RPS6KA2: variants seen among roughly 807,000 people sequenced by gnomAD.
The protein encoded by RPS6KA2 is ribosomal protein S6 kinase alpha-2.
In RPS6KA2, 42 loss-of-function variants were observed where a neutral mutation model predicts 91.8. That is an observed-to-expected ratio of 0.46 (90% CI 0.36 to 0.59). The LOEUF is 0.59. Among genes scored for constraint, RPS6KA2 ranks in the 20% least tolerant of loss-of-function variants. The pLI, the probability that RPS6KA2 is intolerant of heterozygous loss-of-function variation, is 0.00. For synonymous variants in RPS6KA2, 414 were observed against 393.6 expected (o/e 1.05, Z -0.61); for missense variants, 798 against 978.5 (o/e 0.82, Z 2.46).
chr6:166,826,873 C>A (rs1354238548), intron 2 of RPS6KA2, among the ~76,000 whole-genome samples: 2 of 152,094 alleles, frequency 1.3e-5, no homozygotes, highest in African/African-American at 4.8e-5. Flanking sequence ...GGCTATATTT[C>A]TTGTGTTTTA....
At position 166,648,749 on chromosome 6, in the gene RPS6KA2, T is replaced by C. The variant is rs1449449197; in HGVS notation, c.124-109965A>G. Among the ~76,000 whole-genome samples, 1 of 152,144 alleles carries C rather than the reference T, an allele frequency of 6.6e-6. No homozygotes were observed. The highest frequency in any genetic ancestry group is 6.5e-5 in the Admixed American group (1 of 15,282). ...TACAGTGATTACTCCGGCGTCTGCA[T>C]CTCGTCCTGAGGTCCTGAACTTTGG... On this transcript the variant is annotated intron_variant, in intron 2 of 21. Coordinates refer to the RPS6KA2 transcript ENST00000503859. This position sits in a 1 kb window ranked among gnomAD's most constrained non-coding sequence, Gnocchi z 4.8.
In RPS6KA2 at chr6:166,459,526, G is replaced by C; in HGVS notation, c.998C>G (p.Pro333Arg). Residue 333 changes from proline (P) to arginine (R), a missense_variant, in exon 12 of 21, where the codon CCA (proline) becomes CGA (arginine). Physicochemically the swap from Pro to Arg is moderately radical, Grantham distance 103. Coordinates refer to ENST00000265678, the MANE Select transcript of RPS6KA2 (RefSeq NM_021135.6). This position sits in a 1 kb window ranked among gnomAD's most constrained non-coding sequence, Gnocchi z 4.9. ...CCTGCCCACTGCTGGTTTGAACGGT[G>C]GCTTGATCTCCTTCCGGTACAGCGT... Reference protein sequence around the residue: ...WNTLYRKEIKPPFKPAVGRPE... With the variant: ...WNTLYRKEIKRPFKPAVGRPE... The C allele has an allele frequency of 6.2e-7, 1 of 1,613,866 alleles. No homozygotes were observed. Among genetic ancestry groups the C allele is most frequent in the Non-Finnish European group, 8.5e-7 (1 of 1,179,802 alleles).
At chr6:166,674,745 T>A (rs368295912) in intron 2 of RPS6KA2, among the ~76,000 whole-genome samples, 34 of 152,346 alleles carry the variant, frequency 2.2e-4, no homozygotes, top group African/African-American at 7.7e-4. Context: ...CTGGGCTTGC[T>A]GCAACCTCCG....
intron 2 of RPS6KA2, among the ~76,000 whole-genome samples, chr6:166,816,391 C>CAAAAAAAAAAAAAAAAAA (rs61347721): frequency 1.7e-5 from 2 of 120,046 alleles, no homozygotes; most frequent in African/African-American, 3.2e-5. Flanking sequence ...ACTAAAAATA[C>CAAAAAAAAAAAAAAAAAA]AAAAAAAAAA....
chr6:166,663,839 T>A (rs1199957178), intron 2 of RPS6KA2, among the ~76,000 whole-genome samples: 3 of 152,178 alleles, frequency 2.0e-5, no homozygotes, highest in Non-Finnish European at 4.4e-5. Context: ...CACTTGATGT[T>A]AAAGAAAGAG....
intron 2 of RPS6KA2, among the ~76,000 whole-genome samples, chr6:166,824,546 G>T (rs1335702478): frequency 6.6e-6 from 1 of 152,146 alleles, no homozygotes; most frequent in Non-Finnish European, 1.5e-5. Context: ...GTGTGTGAGT[G>T]TGTCTATATG....
In RPS6KA2 at chr6:166,626,993, G is replaced by A. The variant is rs890234644; in HGVS notation, c.27C>T (p.Ala9=). The A allele has an allele frequency of 5.2e-6, 8 of 1,551,704 alleles. No individual in the cohort carries two copies. Among genetic ancestry groups the A allele is most frequent in the Non-Finnish European group, 6.1e-6 (7 of 1,147,736 alleles). The change falls in exon 1 of 21, where the codon GCC becomes GCT. Residue 9 remains alanine, a synonymous_variant. Coordinates refer to ENST00000265678, the MANE Select transcript of RPS6KA2 (RefSeq NM_021135.6). This position sits in a 1 kb window ranked among gnomAD's most constrained non-coding sequence, Gnocchi z 4.1. ...GGTACACAGAGAAGAACCTGCGCAC[G>A]GCGAACTTCTTCATGCTCAGGTCCA... The part of the protein sequence containing the change: MDLSMKKF[A]VRRFFSVYLR...
chr6:166,705,051 G>C (rs1257235477), intron 2 of RPS6KA2, among the ~76,000 whole-genome samples: 2 of 152,206 alleles, frequency 1.3e-5, no homozygotes, highest in African/African-American at 2.4e-5. Flanking sequence ...TTTGCACAAT[G>C]CAAACTTCTC....
intron 11 of RPS6KA2, among the ~76,000 whole-genome samples, chr6:166,462,797 A>G (rs774582942): frequency 3.4e-4 from 52 of 152,312 alleles, no homozygotes; most frequent in African/African-American, 1.2e-3. Flanking sequence ...CTTTCAGCTC[A>G]CAGACCCCAA....
At position 166,508,735 on chromosome 6, in the gene RPS6KA2, G is replaced by A. The variant is rs1205585664; in HGVS notation, c.380-453C>T. ...CAGAACTCCACTCTGGTACCAGGGA[G>A]CCCCCCGCTTGCCTTCCTCTCTTGA... On this transcript the variant is annotated intron_variant, in intron 4 of 20. Coordinates refer to ENST00000265678, the MANE Select transcript of RPS6KA2 (RefSeq NM_021135.6). This position sits in a 1 kb window ranked among gnomAD's most constrained non-coding sequence, Gnocchi z 4.3. Among the ~76,000 whole-genome samples the A allele has an allele frequency of 1.3e-5, 2 of 152,150 alleles. No individual in the cohort carries two copies. The highest frequency in any genetic ancestry group is 2.9e-5 in the Non-Finnish European group (2 of 68,036).
At chr6:166,623,732 G>A (rs2128541859) in intron 1 of RPS6KA2, among the ~76,000 whole-genome samples, 1 of 152,320 alleles carries the variant, frequency 6.6e-6, no homozygotes, top group South Asian at 2.1e-4. Context: ...TGCGGTCACT[G>A]AGACCTGACA....
intron 1 of RPS6KA2, among the ~76,000 whole-genome samples, chr6:166,548,446 C>T (rs1234113814): frequency 1.3e-5 from 2 of 152,172 alleles, no homozygotes; most frequent in East Asian, 3.9e-4. Flanking sequence ...GTAAGGTTTG[C>T]TACATAGCTA....
At chr6:166,798,132 C>T (rs1009053304) in intron 2 of RPS6KA2, among the ~76,000 whole-genome samples, 1 of 152,186 alleles carries the variant, frequency 6.6e-6, no homozygotes. Flanking sequence ...ACCATTCGCC[C>T]TCAGTGTTTA....
chr6:166,724,974 C>T (rs1790292398), intron 2 of RPS6KA2, among the ~76,000 whole-genome samples: 1 of 152,178 alleles, frequency 6.6e-6, no homozygotes, highest in Non-Finnish European at 1.5e-5. Flanking sequence ...ATGCTCTCTA[C>T]TAACTCTCTG....
chr6:166,457,160 T>C (rs1780132216), intron 12 of RPS6KA2, among the ~76,000 whole-genome samples: 1 of 152,244 alleles, frequency 6.6e-6, no homozygotes, highest in Non-Finnish European at 1.5e-5. Context: ...CACGTTCTGT[T>C]AGGGACCTTA....
At position 166,557,308 on chromosome 6, in the gene RPS6KA2, G is replaced by A. The variant is rs934384488; in HGVS notation, c.100-18524C>T. On this transcript the variant is annotated intron_variant, in intron 1 of 20. Transcript: ENST00000265678. This position sits in a 1 kb window ranked among gnomAD's most constrained non-coding sequence, Gnocchi z 4.8. ...CATGCTTCCCAAGAACAGCCCGCAG[G>A]GAAGACGCCCAAAACCTAAATCGAC... is the stretch of plus-strand genomic sequence containing the variant. 6.6e-6 allele frequency among the ~76,000 whole-genome samples: 1 copy of A among 152,242 alleles called. No homozygotes were observed. The highest frequency in any genetic ancestry group is 2.4e-5 in the African/African-American group (1 of 41,462).
intron 1 of RPS6KA2, among the ~76,000 whole-genome samples, chr6:166,621,467 T>G (rs1185176020): frequency 6.6e-6 from 1 of 152,260 alleles, no homozygotes; most frequent in Non-Finnish European, 1.5e-5. Flanking sequence ...TAAATCACAC[T>G]GTAGCTTAAC....
intron 2 of RPS6KA2, among the ~76,000 whole-genome samples, chr6:166,738,992 T>C (rs1247706236): frequency 6.6e-6 from 1 of 152,178 alleles, no homozygotes; most frequent in Non-Finnish European, 1.5e-5. Flanking sequence ...GGTTTCCAAA[T>C]GTGAACAACT....
chr6:166,442,768 A>ACTT (rs1309750013), intron 14 of RPS6KA2, among the ~76,000 whole-genome samples: 1 of 152,194 alleles, frequency 6.6e-6, no homozygotes. Flanking sequence ...ATAAATAAAA[A>ACTT]CTTCAGTCAT....
Sources: gnomAD v4.1 joint callset for allele counts (sites outside exome capture counted in the v4.1 genomes callset) on GRCh38, gnomAD v4.1.1 for gene constraint, Gnocchi (gnomAD v3.1) non-coding constraint, MANE v1.5 for transcripts, NCBI Gene and HGNC (gene_info 2026-07-23, HGNC 2026-07-21) for gene names.